TP53I11: variants seen among roughly 807,000 people sequenced by gnomAD.
The protein encoded by TP53I11 is tumor protein p53 inducible protein 11, also known as tumor protein p53-inducible protein 11.
TP53I11 carries 9 observed loss-of-function variants against 23.3 expected under a neutral mutation model. The observed-to-expected ratio is 0.39, with a 90% CI of 0.23 to 0.67. The LOEUF (loss-of-function observed/expected upper bound fraction) is 0.67. Ranked by LOEUF, TP53I11 falls within the 30% of genes least tolerant of loss-of-function variation. The probability of loss-of-function intolerance (pLI) is 0.48; values close to 1 mark genes in which losing one functional copy is unlikely to be tolerated. For missense variants in TP53I11, 170 were observed against 255.2 expected (o/e 0.67, Z 2.27); for synonymous variants, 100 against 106.1 (o/e 0.94, Z 0.35).
In TP53I11 at chr11:44,950,827, GGGCC is replaced by G. The variant is rs1862898808; in HGVS notation, c.-186_-183del. Reference sequence around the variant, plus strand: ...GGGCAGGACAGGGCAGGGCAGGGCAGGGCCGGGCCGGCTGGACTGCGCGCGGCGC... The same window carrying G: ...GGGCAGGACAGGGCAGGGCAGGGCAGGGGCCGGCTGGACTGCGCGCGGCGC... On this transcript the variant is annotated 5_prime_UTR_variant, in exon 1 of 7. Transcript: ENST00000525680. 6.6e-6 allele frequency: 1 copy of G among 152,040 alleles called. No homozygotes were observed. The highest frequency in any genetic ancestry group is 6.6e-5 in the Admixed American group (1 of 15,184). The allele number at this position is 152,040 out of a possible 1,614,324, so 9.4% of individuals were successfully genotyped here.
intron 1 of TP53I11, among the ~76,000 whole-genome samples, chr11:44,949,298 C>T (rs1459041723): frequency 1.3e-5 from 2 of 152,200 alleles, no homozygotes; most frequent in Non-Finnish European, 2.9e-5. Context: ...TCCTGGTCCC[C>T]TCTCCACAGG....
At chr11:44,935,493 G>C (rs977550609) in intron 6 of TP53I11, 68 bp downstream of exon 6, 2 of 1,417,728 alleles carry the variant, frequency 1.4e-6, no homozygotes, top group African/African-American at 2.8e-5. Context: ...ACACCCAGGT[G>C]GCTAGAGCAG....
intron 1 of TP53I11, among the ~76,000 whole-genome samples, chr11:44,941,986 ACAC>A (rs909142818): frequency 1.6e-4 from 1 of 6,444 alleles, no homozygotes; most frequent in African/African-American, 5.6e-4. Context: ...ACACACACAC[ACAC>A]ACCACATATA....
At chr11:44,947,531 C>T (rs542405767) in intron 1 of TP53I11, among the ~76,000 whole-genome samples, 16 of 152,302 alleles carry the variant, frequency 1.1e-4, no homozygotes, top group Admixed American at 3.3e-4. Context: ...ATTTTGAGCC[C>T]GTTTCTTCAA....
At chr11:44,935,450 G>T in intron 6 of TP53I11, 111 bp downstream of exon 6, 1 of 963,222 alleles carries the variant, frequency 1.0e-6, no homozygotes, top group Non-Finnish European at 1.6e-6. Context: ...CCCCTCCCTA[G>T]CCCCCCACAG....
intron 1 of TP53I11, among the ~76,000 whole-genome samples, chr11:44,941,433 G>A (rs536656062): frequency 1.2e-4 from 19 of 152,318 alleles, no homozygotes; most frequent in African/African-American, 4.3e-4. Flanking sequence ...TAATGGGTAA[G>A]TGCTTAACTG....
At chr11:44,948,345 T>C (rs7929889) in intron 1 of TP53I11, among the ~76,000 whole-genome samples, 152,216 of 152,226 alleles carry the variant, frequency 1, 76,103 homozygotes, top group Non-Finnish European at 1. Flanking sequence ...AGCTGCAGGG[T>C]AGGCACATTC....
intron 1 of TP53I11, among the ~76,000 whole-genome samples, chr11:44,943,708 G>GT (rs1862122869): frequency 6.6e-6 from 1 of 152,216 alleles, no homozygotes; most frequent in Admixed American, 6.5e-5. Flanking sequence ...ACGGGTCTCA[G>GT]TGTCTGCAGC....
chr11:44,945,306 C>T (rs1022546536), intron 1 of TP53I11, among the ~76,000 whole-genome samples: 7 of 152,180 alleles, frequency 4.6e-5, no homozygotes, highest in Non-Finnish European at 1.0e-4. Flanking sequence ...GCTATCCCCA[C>T]CACAACCCTA....
chr11:44,942,232 CCA>C (rs1182898797), intron 1 of TP53I11, among the ~76,000 whole-genome samples: 13 of 139,198 alleles, frequency 9.3e-5, no homozygotes, highest in Non-Finnish European at 1.9e-4. Flanking sequence ...CACACACCTA[CCA>C]CACACCACAC....
intron 1 of TP53I11, among the ~76,000 whole-genome samples, chr11:44,944,120 G>T (rs1014004175): frequency 3.9e-5 from 6 of 152,196 alleles, no homozygotes; most frequent in African/African-American, 1.2e-4. Context: ...CCTTACTCAT[G>T]GGGTGCTGAA....
chr11:44,934,621 G>A lies in TP53I11; in HGVS notation c.*263C>T. 1 of 470,098 alleles carries A rather than the reference G, an allele frequency of 2.1e-6. No homozygotes were observed. Among genetic ancestry groups the A allele is most frequent in the South Asian group, 2.5e-5 (1 of 39,378 alleles). 29.1% of individuals were successfully genotyped at this position (470,098 alleles called of 1,614,324 possible). ...GGGTCTGGAGGCCAAGAGACCCAAG[G>A]AAAGGAGGTATCACTGTGAGGGTGA... On this transcript the variant is annotated 3_prime_UTR_variant, in exon 7 of 7. Coordinates refer to ENST00000525680, the MANE Select transcript of TP53I11 (RefSeq NM_006034.5).
At chr11:44,935,981 C>T (rs1389363405) in intron 5 of TP53I11, 23 of 430,556 alleles carry the variant, frequency 5.3e-5, no homozygotes, top group East Asian at 8.9e-5. Flanking sequence ...TGCCCATGTC[C>T]GGTTCTGTCA....
chr11:44,942,146 C>G (rs1404642572), intron 1 of TP53I11, among the ~76,000 whole-genome samples: 1 of 32,524 alleles, frequency 3.1e-5, no homozygotes. Flanking sequence ...ACACATACAT[C>G]ACACACACCC....
chr11:44,945,679 T>C (rs976463924), intron 1 of TP53I11, among the ~76,000 whole-genome samples: 1 of 152,002 alleles, frequency 6.6e-6, no homozygotes, highest in African/African-American at 2.4e-5. Context: ...TGTTCTGTTA[T>C]CGCTTTAGTA....
rs1002611277 is a variant in TP53I11, at chr11:44,945,586, G to A, written c.-32+5091C>T. On this transcript the variant is annotated intron_variant, in intron 1 of 6. Coordinates refer to ENST00000525680, the MANE Select transcript of TP53I11 (RefSeq NM_006034.5). Reference sequence around the variant, plus strand: ...AGTCCCTGGTGGTCGCCAGCATCTGGACTCCTCTCTGGGGTCCAGCCTCCC... The same window carrying A: ...AGTCCCTGGTGGTCGCCAGCATCTGAACTCCTCTCTGGGGTCCAGCCTCCC... Among the ~76,000 whole-genome samples, 5 of 152,086 alleles carry A rather than the reference G, an allele frequency of 3.3e-5. No individual in the cohort carries two copies. In the East Asian group the frequency reaches 9.7e-4, roughly 29 times the overall value.
At chr11:44,942,660 A>G (rs1156890213) in intron 1 of TP53I11, among the ~76,000 whole-genome samples, 1 of 152,184 alleles carries the variant, frequency 6.6e-6, no homozygotes, top group Non-Finnish European at 1.5e-5. Context: ...AGCTGGTGGG[A>G]ACCACTGTGC....
In TP53I11 at chr11:44,934,086, G is replaced by A. The variant is rs1004396836; in HGVS notation, c.*798C>T. The A allele has an allele frequency of 1.3e-5, 2 of 152,468 alleles. No individual in the cohort carries two copies. Among genetic ancestry groups the A allele is most frequent in the African/African-American group, 4.8e-5 (2 of 41,448 alleles). The allele number at this position is 152,468 out of a possible 1,614,324, so 9.4% of individuals were successfully genotyped here. On this transcript the variant is annotated 3_prime_UTR_variant, in exon 7 of 7. Coordinates refer to ENST00000525680, the MANE Select transcript of TP53I11 (RefSeq NM_006034.5). ...CCTAGGGTAGAGGCAGAGTGCCCTA[G>A]AGCAAGGTCCCAGGAGAGCTCATCT...
At chr11:44,945,573 T>C (rs994363404) in intron 1 of TP53I11, among the ~76,000 whole-genome samples, 3 of 151,988 alleles carry the variant, frequency 2.0e-5, no homozygotes, top group Non-Finnish European at 4.4e-5. Flanking sequence ...TCCCTGGTGG[T>C]CGCCAGCATC....
Sources: allele counts gnomAD v4.1 joint callset (sites outside exome capture counted in the v4.1 genomes callset), GRCh38; gene constraint gnomAD v4.1.1; transcripts MANE v1.5; gene names NCBI Gene and HGNC (gene_info 2026-07-23, HGNC 2026-07-21).